The following DAB1 variants were observed in gnomAD, a reference collection of about 807,000 sequenced individuals.
DAB1 encodes DAB adaptor protein 1.
A neutral mutation model predicts 64.6 loss-of-function variants in DAB1; 15 were observed. That is an observed-to-expected ratio of 0.23 (90% CI 0.16 to 0.36). DAB1 has a LOEUF of 0.36. DAB1 is among the 10% of genes least tolerant of loss of function. DAB1 has a pLI of 1.00. For synonymous variants in DAB1, 235 were observed against 251.9 expected (o/e 0.93, Z 0.64); for missense variants, 596 against 706.7 (o/e 0.84, Z 1.78).
intron 5 of DAB1, among the ~76,000 whole-genome samples, chr1:58,141,457 A>T (rs1434043072): frequency 6.6e-6 from 1 of 152,216 alleles, no homozygotes; most frequent in Non-Finnish European, 1.5e-5. Context: ...ATATGTGAAG[A>T]TTATAGAGGC....
At chr1:58,160,625 T>C (rs1045681992) in intron 4 of DAB1, among the ~76,000 whole-genome samples, 1 of 152,172 alleles carries the variant, frequency 6.6e-6, no homozygotes, top group African/African-American at 2.4e-5. Flanking sequence ...AAATCAGTCA[T>C]GCTCTTACAA....
chr1:57,046,815 G>C (rs2100506315), intron 9 of DAB1, among the ~76,000 whole-genome samples: 1 of 152,328 alleles, frequency 6.6e-6, no homozygotes, highest in East Asian at 1.9e-4. Flanking sequence ...TACTATTGTT[G>C]CTTCAGCACA....
chr1:57,540,976 C>T (rs1447283588), intron 7 of DAB1, among the ~76,000 whole-genome samples: 4 of 152,036 alleles, frequency 2.6e-5, no homozygotes, highest in South Asian at 4.1e-4. Flanking sequence ...AGAGAGGATT[C>T]AGAATGTTCC....
intron 9 of DAB1, among the ~76,000 whole-genome samples, chr1:57,060,888 G>A (rs1650318416): frequency 6.6e-6 from 1 of 151,856 alleles, no homozygotes; most frequent in African/African-American, 2.4e-5. Context: ...GGTGTGGCCA[G>A]AATCATTAAT....
At chr1:57,739,252 C>T (rs1258201885) in intron 6 of DAB1, among the ~76,000 whole-genome samples, 1 of 152,074 alleles carries the variant, frequency 6.6e-6, no homozygotes, top group Non-Finnish European at 1.5e-5. Context: ...TCCAGGCAGA[C>T]AAGTTCAGAA....
chr1:58,233,875 T>C (rs571583025), intron 4 of DAB1, among the ~76,000 whole-genome samples: 2 of 152,322 alleles, frequency 1.3e-5, no homozygotes, highest in South Asian at 2.1e-4. Flanking sequence ...TAACAGAGTA[T>C]GAACGCCTGA....
At chr1:58,117,645 A>T (rs1490099096) in intron 5 of DAB1, among the ~76,000 whole-genome samples, 1 of 152,176 alleles carries the variant, frequency 6.6e-6, no homozygotes, top group Non-Finnish European at 1.5e-5. Flanking sequence ...GCATCAACAT[A>T]TTATCCCAAA....
At chr1:58,272,743 C>T (rs2100429550) in intron 4 of DAB1, among the ~76,000 whole-genome samples, 1 of 152,174 alleles carries the variant, frequency 6.6e-6, no homozygotes, top group Middle Eastern at 3.4e-3. Context: ...GGATAGTTAG[C>T]TCTTCTTGTT....
At chr1:58,073,423 A>T (rs2764685) in intron 5 of DAB1, among the ~76,000 whole-genome samples, 84,696 of 151,998 alleles carry the variant, frequency 0.56, 24,187 homozygotes, top group Middle Eastern at 0.64. Flanking sequence ...ACCCTGTGCC[A>T]ACCTTTATCA....
chr1:57,713,479 T>C (rs546286822), intron 6 of DAB1, among the ~76,000 whole-genome samples: 1 of 152,244 alleles, frequency 6.6e-6, no homozygotes, highest in Admixed American at 6.5e-5. Context: ...ATTTCCAAAA[T>C]TAGAGGTACA....
At chr1:57,959,263 G>C (rs1334886226) in intron 5 of DAB1, among the ~76,000 whole-genome samples, 1 of 152,186 alleles carries the variant, frequency 6.6e-6, no homozygotes, top group Non-Finnish European at 1.5e-5. Flanking sequence ...GCCAGTGCAA[G>C]GGTCAAATAT....
At chr1:57,488,493 A>G (rs1225130773) in intron 7 of DAB1, among the ~76,000 whole-genome samples, 1 of 151,790 alleles carries the variant, frequency 6.6e-6, no homozygotes, top group South Asian at 2.1e-4. Context: ...CCTGACCAAC[A>G]TGGAGAAACC....
intron 6 of DAB1, among the ~76,000 whole-genome samples, chr1:57,681,301 T>C (rs1646633906): frequency 6.6e-6 from 1 of 152,188 alleles, no homozygotes; most frequent in Non-Finnish European, 1.5e-5. Flanking sequence ...ACCAGTTGTA[T>C]TGGATTAGGG....
chr1:58,397,172 C>T (rs338923), intron 3 of DAB1, among the ~76,000 whole-genome samples: 102,260 of 152,058 alleles, frequency 0.67, 35,109 homozygotes, highest in African/African-American at 0.81. Context: ...CGGTAACACT[C>T]CCACAACTCC....
At chr1:58,293,930 TCA>T (rs1179999143) in intron 4 of DAB1, among the ~76,000 whole-genome samples, 24 of 152,214 alleles carry the variant, frequency 1.6e-4, no homozygotes, top group Admixed American at 4.6e-4. Flanking sequence ...CCTCCTGAGC[TCA>T]CAGTTATTTG....
intron 7 of DAB1, among the ~76,000 whole-genome samples, chr1:57,553,654 G>A (rs1644953833): frequency 6.6e-6 from 1 of 152,062 alleles, no homozygotes; most frequent in African/African-American, 2.4e-5. Context: ...CTGGACCACA[G>A]AGCAGGATCC....
At chr1:58,452,343 T>C (rs1307384590) in intron 3 of DAB1, among the ~76,000 whole-genome samples, 2 of 150,668 alleles carry the variant, frequency 1.3e-5, no homozygotes, top group East Asian at 3.9e-4. Flanking sequence ...CCTAGGAAAA[T>C]GCAAATTAAA....
intron 5 of DAB1, among the ~76,000 whole-genome samples, chr1:57,895,830 C>G (rs1439812393): frequency 2.6e-5 from 4 of 152,148 alleles, no homozygotes; most frequent in Admixed American, 1.3e-4. Context: ...AATATGCATA[C>G]TGCTGTTTTT....
chr1:57,563,986 C>A (rs967108595), intron 7 of DAB1, among the ~76,000 whole-genome samples: 3 of 152,190 alleles, frequency 2.0e-5, no homozygotes, highest in Admixed American at 6.5e-5. Flanking sequence ...GGAGAGACTG[C>A]CTCCTCAAGT....
Sources: gnomAD v4.1 joint callset for allele counts (sites outside exome capture counted in the v4.1 genomes callset) on GRCh38, gnomAD v4.1.1 for gene constraint, MANE v1.5 for transcripts, NCBI Gene and HGNC (gene_info 2026-07-23, HGNC 2026-07-21) for gene names.